The following ZNF44 variants were observed in gnomAD, a reference collection of about 807,000 sequenced individuals.
ZNF44 encodes the protein gonadotropin inducible transcription repressor-2.
ZNF44 carries 9 observed loss-of-function variants against 11.7 expected under a neutral mutation model. The observed-to-expected ratio is 0.77, with a 90% CI of 0.46 to 1.35. The LOEUF (loss-of-function observed/expected upper bound fraction) is 1.35, where lower values mean the gene tolerates loss of function less well. Among genes scored for constraint, ZNF44 ranks in the 40% most tolerant of loss-of-function variants. The pLI, the probability that ZNF44 is intolerant of heterozygous loss-of-function variation, is 0.00. For missense variants in ZNF44, 696 were observed against 743.1 expected (o/e 0.94, Z 0.74); for synonymous variants, 224 against 242.7 (o/e 0.92, Z 0.72).
chr19:12,248,112 T>C, exon 8 of ZNF44: 1 of 1,306,270 alleles, frequency 7.7e-7, no homozygotes. Flanking sequence ...TTTACATTCA[T>C]AGCGTTTCTG....
intron 2 of ZNF44, among the ~76,000 whole-genome samples, chr19:12,232,410 C>G (rs1212015110): frequency 6.6e-6 from 1 of 152,144 alleles, no homozygotes. Flanking sequence ...TCTTTCCCTT[C>G]CCACGAGGCC....
At chr19:12,259,983 A>T in intron 5 of ZNF44, 1 of 342,998 alleles carries the variant, frequency 2.9e-6, no homozygotes. Flanking sequence ...TTCCAGGGGC[A>T]GCCACATAAT....
chr19:12,239,055 G>T (rs1191616786), upstream of ZNF44, among the ~76,000 whole-genome samples: 1 of 152,168 alleles, frequency 6.6e-6, no homozygotes, highest in Non-Finnish European at 1.5e-5. Flanking sequence ...TAAATAAACT[G>T]TCAAAATCAT....
upstream of ZNF44, among the ~76,000 whole-genome samples, chr19:12,242,471 C>G (rs1300591982): frequency 6.7e-6 from 1 of 149,356 alleles, no homozygotes; most frequent in African/African-American, 2.5e-5. Flanking sequence ...GATTGCACTA[C>G]TGCACTCCAG....
chr19:12,288,036 C>T (rs146576798), intron 1 of ZNF44, among the ~76,000 whole-genome samples: 6 of 152,234 alleles, frequency 3.9e-5, no homozygotes, highest in African/African-American at 4.8e-5. Flanking sequence ...TTGCTGAACA[C>T]GAGCCAATTC....
downstream of ZNF44, among the ~76,000 whole-genome samples, chr19:12,268,131 T>TACACACAC (rs1230538619): frequency 3.8e-4 from 41 of 106,756 alleles, no homozygotes; most frequent in Middle Eastern, 4.4e-3. Flanking sequence ...TTGGTGTTCT[T>TACACACAC]ACACACACAC....
chr19:12,250,411 G>A (rs1916942379), intron 5 of ZNF44: 1 of 1,303,708 alleles, frequency 7.7e-7, no homozygotes, highest in Non-Finnish European at 1.0e-6. Flanking sequence ...GGGTGAGACT[G>A]ACAGCACTGG....
At position 12,272,382 on chromosome 19, in the gene ZNF44, G is replaced by T. The variant is rs748907494; in HGVS notation, c.*25C>A. ...AGTATCTGAATGTGATAAAACCAAT[G>T]AATGCTTTCCCACATTCCATACACT... On this transcript the variant is annotated 3_prime_UTR_variant, in exon 4 of 4. Coordinates refer to ENST00000355684, the MANE Select transcript of ZNF44 (RefSeq NM_016264.4). The T allele has an allele frequency of 5.3e-6, 8 of 1,498,374 alleles. No individual in the cohort carries two copies. In the South Asian group the frequency reaches 9.9e-5, roughly 19 times the overall value. The allele number at this position is 1,498,374 out of a possible 1,614,324, so 92.8% of individuals were successfully genotyped here. A position where few individuals can be genotyped will look rare whatever the true frequency, so the allele number is the denominator to read the frequency against.
chr19:12,280,690 C>T (rs1371250239), intron 1 of ZNF44, among the ~76,000 whole-genome samples: 1 of 152,040 alleles, frequency 6.6e-6, no homozygotes, highest in African/African-American at 2.4e-5. Flanking sequence ...AACAAGGCCC[C>T]AAACTATATT....
rs892414957 is a variant in ZNF44 at position 12,287,340 on chromosome 19, G to A, written c.3+7352C>T. 5.9e-5 allele frequency among the ~76,000 whole-genome samples: 9 copies of A among 151,666 alleles called. No individual in the cohort carries two copies. In the South Asian group the frequency reaches 6.3e-4, roughly 11 times the overall value. ...AGGGATTCTCCTGCCTCAGCCTCCC[G>A]AGTAGCTGGGACTACAGGCATGTGC... is the stretch of plus-strand genomic sequence containing the variant. On this transcript the variant is annotated intron_variant, in intron 1 of 3. Coordinates refer to ENST00000355684, the MANE Select transcript of ZNF44 (RefSeq NM_016264.4).
At chr19:12,266,252 G>C (rs887840604) in intron 5 of ZNF44, 3 of 985,336 alleles carry the variant, frequency 3.0e-6, no homozygotes, top group Non-Finnish European at 3.6e-6. Context: ...CCGCGTGTCG[G>C]GACCCCAGCC....
At chr19:12,274,567 C>T (rs538752368) in intron 3 of ZNF44, among the ~76,000 whole-genome samples, 1 of 151,340 alleles carries the variant, frequency 6.6e-6, no homozygotes, top group South Asian at 2.1e-4. Context: ...AGCCACTGCG[C>T]CTGGCCTTTT....
In ZNF44 at chr19:12,273,557, G is replaced by A; in HGVS notation, c.698C>T (p.Ala233Val). Residue 233 changes from alanine (A) to valine (V), a missense_variant, in exon 4 of 4, where the codon GCC becomes GTC. Transcript: ENST00000355684. Reference sequence around the variant, plus strand: ...TAGATAGGAACTGTAAACAGGGAAGGCTTTAGAACACTGCTTACATTCATA... The same window carrying A: ...TAGATAGGAACTGTAAACAGGGAAGACTTTAGAACACTGCTTACATTCATA... ...KPYECKQCSK[A>V]FPVYSSYLRH... is the part of the protein sequence containing the mutation. 6.2e-7 allele frequency: 1 copy of A among 1,614,058 alleles called. No individual in the cohort carries two copies. Among genetic ancestry groups the A allele is most frequent in the African/African-American group, 1.3e-5 (1 of 75,008 alleles).
chr19:12,269,342 G>T, downstream of ZNF44, among the ~76,000 whole-genome samples: 1 of 152,084 alleles, frequency 6.6e-6, no homozygotes, highest in Non-Finnish European at 1.5e-5. Flanking sequence ...GGCTAACACG[G>T]TGAAACCCTG....
chr19:12,238,510 C>G (rs569270329), upstream of ZNF44, among the ~76,000 whole-genome samples: 1 of 151,352 alleles, frequency 6.6e-6, no homozygotes, highest in South Asian at 2.1e-4. Flanking sequence ...TGCCTGTAGT[C>G]AGAGCAGCTC....
At chr19:12,252,836 A>G (rs960427056) in intron 5 of ZNF44, among the ~76,000 whole-genome samples, 3 of 151,416 alleles carry the variant, frequency 2.0e-5, no homozygotes, top group African/African-American at 7.3e-5. Context: ...AAAGTATGTA[A>G]TCTACAAGTA....
chr19:12,256,695 C>CTTTTTTTTTTTTTTTTTT lies in ZNF44; in HGVS notation c.1913-6328_1913-6327insAAAAAAAAAAAAAAAAAA. 1.5e-5 allele frequency among the ~76,000 whole-genome samples: 2 copies of CTTTTTTTTTTTTTTTTTT among 135,010 alleles called. 1 individual carries two copies. Among genetic ancestry groups the CTTTTTTTTTTTTTTTTTT allele is most frequent in the Admixed American group, 1.5e-4 (2 of 13,486 alleles). The allele number at this position is 135,010 out of a possible 152,430, so 88.6% of individuals were successfully genotyped here. ...AATGACTGTCCCCAGAGAGCAATTA[C>CTTTTTTTTTTTTTTTTTT]TCTTTTTTTTTTTTTTTTTTTTTGA... On this transcript the variant is annotated intron_variant and NMD_transcript_variant, in intron 5 of 7. Coordinates refer to the ZNF44 transcript ENST00000393337.
chr19:12,286,249 T>C (rs1424378835), intron 1 of ZNF44, among the ~76,000 whole-genome samples: 1 of 152,214 alleles, frequency 6.6e-6, no homozygotes, highest in African/African-American at 2.4e-5. Flanking sequence ...TATATTTACA[T>C]TTTAGTGATA....
chr19:12,243,349 A>C (rs1916682510), downstream of ZNF44, among the ~76,000 whole-genome samples: 1 of 151,946 alleles, frequency 6.6e-6, no homozygotes, highest in Non-Finnish European at 1.5e-5. Flanking sequence ...CATTTTCCCT[A>C]CCTTCTGGAC....
Sources: allele counts gnomAD v4.1 joint callset (sites outside exome capture counted in the v4.1 genomes callset), GRCh38; gene constraint gnomAD v4.1.1; transcripts MANE v1.5; gene names NCBI Gene and HGNC (gene_info 2026-07-23, HGNC 2026-07-21).